Variants in GNE observed in about 807,000 individuals in gnomAD.
The protein encoded by GNE is glucosamine (UDP-N-acetyl)-2-epimerase/N-acetylmannosamine kinase.
Under a neutral mutation model 61.8 loss-of-function variants are expected in GNE, and 41 were observed. That is an observed-to-expected ratio of 0.66 (90% CI 0.52 to 0.86). The LOEUF is 0.86. GNE is among the 40% of genes least tolerant of loss of function. The probability of loss-of-function intolerance (pLI) is 0.00; values close to 1 mark genes in which losing one functional copy is unlikely to be tolerated. For missense variants in GNE, 608 were observed against 909.1 expected (o/e 0.67, Z 4.26); for synonymous variants, 264 against 326.4 (o/e 0.81, Z 2.06).
intron 3 of GNE, among the ~76,000 whole-genome samples, chr9:36,240,917 A>G (rs1035171986): frequency 2.6e-5 from 4 of 151,924 alleles, no homozygotes; most frequent in Non-Finnish European, 4.4e-5. Flanking sequence ...CATCTCTTCT[A>G]GGTTTTCTAG....
intron 7 of GNE, among the ~76,000 whole-genome samples, chr9:36,224,623 C>T (rs1587288948): frequency 6.6e-6 from 1 of 151,996 alleles, no homozygotes; most frequent in East Asian, 1.9e-4. Context: ...AATCCCAGCA[C>T]TTTGAGAGGC....
chr9:36,241,341 T>C (rs1829622447), intron 3 of GNE, among the ~76,000 whole-genome samples: 1 of 152,196 alleles, frequency 6.6e-6, no homozygotes, highest in Admixed American at 6.5e-5. Context: ...GGTCTCTATC[T>C]CCTGACCTTG....
rs1480224404 is a variant in GNE at position 36,216,284 on chromosome 9, G to A, written c.*1081C>T. ...TAAGATTTCCCTCTGTTCTCTGACT[G>A]GATCACCTTCTGTGATCTTAGTTTG... On this transcript the variant is annotated 3_prime_UTR_variant, in exon 12 of 12. Transcript: ENST00000642385. 2.2e-6 allele frequency: 1 copy of A among 451,154 alleles called. No homozygotes were observed. The highest frequency in any genetic ancestry group is 7.0e-5 in the East Asian group (1 of 14,274). 27.9% of individuals were successfully genotyped at this position (451,154 alleles called of 1,614,324 possible).
intron 1 of GNE, among the ~76,000 whole-genome samples, chr9:36,269,172 C>T (rs1174198194): frequency 1.4e-5 from 2 of 144,920 alleles, no homozygotes; most frequent in Admixed American, 7.0e-5. Flanking sequence ...AAGGCCTCAA[C>T]CTCTCTCTCT....
rs963240700 is a variant in GNE at position 36,215,893 on chromosome 9, C to T, written c.*1472G>A. The T allele has an allele frequency of 2.3e-5, 4 of 176,974 alleles. No homozygotes were observed. Among genetic ancestry groups the T allele is most frequent in the Non-Finnish European group, 4.9e-5 (4 of 82,370 alleles). 11.0% of individuals were successfully genotyped at this position (176,974 alleles called of 1,614,324 possible). A position where few individuals can be genotyped will look rare whatever the true frequency, so the allele number is the denominator to read the frequency against. ...TTACTCAACACAGTATGAAAGGCTA[C>T]TGAAGGAAGAAGTGTCTGCTGGTCA... On this transcript the variant is annotated 3_prime_UTR_variant, in exon 12 of 12. Coordinates refer to ENST00000642385, the MANE Select transcript of GNE (RefSeq NM_005476.7).
intron 6 of GNE, 68 bp downstream of exon 6, chr9:36,228,953 T>C: frequency 1.1e-6 from 1 of 908,746 alleles, no homozygotes; most frequent in Non-Finnish European, 1.9e-6. Context: ...ACAGTGATTG[T>C]AGCTTTAAAA....
In GNE at chr9:36,249,369, C is replaced by T. The variant is rs759799606; in HGVS notation, c.-14G>A. ...ATTCTTCTCCATGATTTGCTTGTTTCGTTTTGAGAGGTTCTTAAAATAGAG... is the reference window on the plus strand; with the variant it reads ...ATTCTTCTCCATGATTTGCTTGTTTTGTTTTGAGAGGTTCTTAAAATAGAG... On this transcript the variant is annotated 5_prime_UTR_variant, in exon 2 of 12. Coordinates refer to ENST00000642385, the MANE Select transcript of GNE (RefSeq NM_005476.7). 1.2e-5 allele frequency: 19 copies of T among 1,612,080 alleles called. No individual in the cohort carries two copies. The highest frequency in any genetic ancestry group is 4.2e-6 in the Non-Finnish European group (5 of 1,178,466).
chr9:36,257,633 C>A (rs1372025090), intron 1 of GNE, among the ~76,000 whole-genome samples: 2 of 150,916 alleles, frequency 1.3e-5, no homozygotes, highest in South Asian at 2.1e-4. Flanking sequence ...GAAACCCCGT[C>A]TCTACTAAAA....
At chr9:36,258,611 G>T, upstream of GNE, 1 of 700,314 alleles carries the variant, frequency 1.4e-6, no homozygotes, top group Non-Finnish European at 1.8e-6. Context: ...GGCGCAGGCA[G>T]GGTGCTGACC....
At chr9:36,272,029 C>T (rs1363672427) in intron 1 of GNE, among the ~76,000 whole-genome samples, 2 of 152,152 alleles carry the variant, frequency 1.3e-5, no homozygotes, top group Non-Finnish European at 2.9e-5. Context: ...CTGCCTGCAC[C>T]GGTCATCCTC....
Position 36,227,281 on chromosome 9 carries a change from C to A in GNE, c.1248G>T (p.Gly416=). Residue 416 remains glycine, a synonymous_variant, in exon 7 of 12, where the codon GGG becomes GGT. Transcript: ENST00000642385. ...TGACTATTGCAACTCGGAGGTTCGTCCCGCCAAGATCAACGGCCAAGGCAC... is the reference window on the plus strand; with the variant it reads ...TGACTATTGCAACTCGGAGGTTCGTACCGCCAAGATCAACGGCCAAGGCAC... The part of the protein sequence containing the change: ...TLSALAVDLG[G]TNLRVAIVSM... 2 of 1,613,570 alleles carry A rather than the reference C, an allele frequency of 1.2e-6. No homozygotes were observed. Among genetic ancestry groups the A allele is most frequent in the Non-Finnish European group, 1.7e-6 (2 of 1,179,532 alleles).
intron 1 of GNE, among the ~76,000 whole-genome samples, chr9:36,256,137 G>C (rs1020196319): frequency 6.6e-6 from 1 of 152,008 alleles, no homozygotes; most frequent in African/African-American, 2.4e-5. Context: ...ATGTTGGCCA[G>C]GCTGGTCTCG....
chr9:36,239,039 G>T (rs1380611206), intron 3 of GNE, among the ~76,000 whole-genome samples: 1 of 152,134 alleles, frequency 6.6e-6, no homozygotes, highest in Non-Finnish European at 1.5e-5. Context: ...TCAGTTGGCT[G>T]TAAGTATTTG....
upstream of GNE, among the ~76,000 whole-genome samples, chr9:36,260,889 A>C (rs905883985): frequency 6.0e-5 from 9 of 150,302 alleles, no homozygotes; most frequent in Non-Finnish European, 1.0e-4. Flanking sequence ...AAAAAAAAAA[A>C]AAAAAAAAAA....
At chr9:36,254,499 T>A (rs1830248193) in intron 1 of GNE, among the ~76,000 whole-genome samples, 1 of 152,096 alleles carries the variant, frequency 6.6e-6, no homozygotes, top group Non-Finnish European at 1.5e-5. Flanking sequence ...GCCACCGCAC[T>A]CCAGCCTGAA....
chr9:36,258,503 G>A, upstream of GNE: 1 of 985,552 alleles, frequency 1.0e-6, no homozygotes, highest in Non-Finnish European at 1.2e-6. Flanking sequence ...CGCCCACCCG[G>A]AGTGCCGAAT....
intron 7 of GNE, among the ~76,000 whole-genome samples, chr9:36,224,595 G>A (rs1418979151): frequency 2.7e-5 from 4 of 150,272 alleles, no homozygotes; most frequent in East Asian, 2.0e-4. Flanking sequence ...ATGGCCGGCC[G>A]TGGTGGCTCA....
intron 5 of GNE, among the ~76,000 whole-genome samples, chr9:36,233,540 G>A (rs947321639): frequency 1.3e-5 from 2 of 152,084 alleles, no homozygotes; most frequent in Non-Finnish European, 2.9e-5. Flanking sequence ...GGTGGCTGAC[G>A]CCTGTAGTCC....
intron 3 of GNE, among the ~76,000 whole-genome samples, chr9:36,244,794 GC>G (rs1829795715): frequency 6.6e-6 from 1 of 151,292 alleles, no homozygotes; most frequent in African/African-American, 2.4e-5. Flanking sequence ...AAAAAAATTA[GC>G]CAGGTGTGGT....
Sources: allele counts gnomAD v4.1 joint callset (sites outside exome capture counted in the v4.1 genomes callset), GRCh38; gene constraint gnomAD v4.1.1; transcripts MANE v1.5; gene names NCBI Gene and HGNC (gene_info 2026-07-23, HGNC 2026-07-21).